PCDHGA4: variants seen among roughly 807,000 people sequenced by gnomAD.
PCDHGA4 encodes the protein protocadherin gamma subfamily A, 4, also known as protocadherin gamma-A4.
A neutral mutation model predicts 54.6 loss-of-function variants in PCDHGA4; 38 were observed. That is an observed-to-expected ratio of 0.70 (90% CI 0.54 to 0.91). The LOEUF (loss-of-function observed/expected upper bound fraction) is 0.91, where lower values mean the gene tolerates loss of function less well. PCDHGA4 is among the 40% of genes least tolerant of loss of function. The pLI is 0.00. For synonymous variants in PCDHGA4, 511 were observed against 512.9 expected (o/e 1.00, Z 0.05); for missense variants, 1,298 against 1,220.9 (o/e 1.06, Z -0.94).
At chr5:141,404,620 T>C in intron 1 of PCDHGA4, 2 of 1,614,162 alleles carry the variant, frequency 1.2e-6, no homozygotes, top group Non-Finnish European at 1.7e-6. Context: ...TGGACCAGAA[T>C]GACAATGCCC....
intron 1 of PCDHGA4, chr5:141,361,920 C>G: frequency 1.2e-6 from 2 of 1,608,060 alleles, no homozygotes; most frequent in Middle Eastern, 4.2e-4. Flanking sequence ...TGGCGGTGGA[C>G]GCAGACTCAG....
intron 1 of PCDHGA4, chr5:141,399,208 C>G: frequency 6.2e-7 from 1 of 1,613,958 alleles, no homozygotes; most frequent in Non-Finnish European, 8.5e-7. Context: ...GCCTGGAACA[C>G]TAATTGCTTT....
chr5:141,426,238 T>C, intron 1 of PCDHGA4: 1 of 158,644 alleles, frequency 6.3e-6, no homozygotes, highest in Admixed American at 5.9e-5. Context: ...AAGCACTTTG[T>C]GAAACATTTT....
At chr5:141,408,003 C>G in intron 1 of PCDHGA4, 1 of 917,520 alleles carries the variant, frequency 1.1e-6, no homozygotes, top group Non-Finnish European at 1.6e-6. Flanking sequence ...GCCTGGGATT[C>G]CCTGCGCAGC....
At chr5:141,385,375 T>C (rs1781162127) in intron 1 of PCDHGA4, 2 of 1,523,626 alleles carry the variant, frequency 1.3e-6, no homozygotes, top group South Asian at 1.3e-5. Context: ...GCATGATATT[T>C]CTCTATTATT....
In PCDHGA4 at chr5:141,389,786, C is replaced by T. The variant is rs368188508; in HGVS notation, c.2514+32165C>T. 6.2e-6 allele frequency: 10 copies of T among 1,613,252 alleles called. No homozygotes were observed. The African/African-American group carries it at 1.1e-4, about 17-fold the overall frequency. The stretch of plus-strand genomic sequence containing the variant: ...CAGCGCGTGCCTTAGGCGACAGGGA[C>T]GCCGTCCGCCAGCGCCTTCTGGTCG... On this transcript the variant is annotated intron_variant, in intron 1 of 3. Transcript: ENST00000571252.
At chr5:141,401,626 C>G (rs1476531463) in intron 1 of PCDHGA4, among the ~76,000 whole-genome samples, 1 of 152,174 alleles carries the variant, frequency 6.6e-6, no homozygotes, top group Non-Finnish European at 1.5e-5. Flanking sequence ...TTTGTCTTAT[C>G]GTTTGGAGCT....
chr5:141,438,254 A>G (rs916664408), intron 1 of PCDHGA4, among the ~76,000 whole-genome samples: 1 of 152,170 alleles, frequency 6.6e-6, no homozygotes, highest in Non-Finnish European at 1.5e-5. Context: ...CTGTCATTGA[A>G]GAGACCATAG....
At chr5:141,372,042 G>C in intron 1 of PCDHGA4, 1 of 1,613,478 alleles carries the variant, frequency 6.2e-7, no homozygotes, top group South Asian at 1.1e-5. Context: ...GAGCCTGCGC[G>C]TGTTGGTGGA....
In PCDHGA4 at chr5:141,385,469, C is replaced by T. The variant is rs536184133; in HGVS notation, c.2514+27848C>T. 3.5e-5 allele frequency: 50 copies of T among 1,439,702 alleles called. No homozygotes were observed. In the South Asian group the frequency reaches 7.4e-4, roughly 21 times the overall value. The allele number at this position is 1,439,702 out of a possible 1,614,324, so 89.2% of individuals were successfully genotyped here. ...GTTTACCAGTTTCCTTCAGTGGTGA[C>T]ACTTTAATATAGAACACATAGGATA... On this transcript the variant is annotated intron_variant, in intron 1 of 3. Transcript: ENST00000571252.
At chr5:141,375,529 C>G (rs370346410) in intron 1 of PCDHGA4, 1 of 1,614,026 alleles carries the variant, frequency 6.2e-7, no homozygotes, top group African/African-American at 1.3e-5. Context: ...CTGACGTGGA[C>G]CAGAACGCCC....
At chr5:141,399,532 C>G (rs552966531) in intron 1 of PCDHGA4, 28 of 1,614,066 alleles carry the variant, frequency 1.7e-5, no homozygotes, top group Non-Finnish European at 2.2e-5. Flanking sequence ...CTCCATCGCG[C>G]AAGTCTGCGC....
At position 141,485,142 on chromosome 5, in the gene PCDHGA4, A is replaced by C. The variant is rs979255582; in HGVS notation, c.2515-9665A>C. 5 of 1,554,566 alleles carry C rather than the reference A, an allele frequency of 3.2e-6. No homozygotes were observed. The highest frequency in any genetic ancestry group is 3.5e-6 in the Non-Finnish European group (4 of 1,131,592). On this transcript the variant is annotated intron_variant, in intron 1 of 3. Transcript: ENST00000571252. The surrounding 1 kb of genome is among the most constrained non-coding windows in gnomAD (Gnocchi z 5.7). ...GGCGGGTCGGCTTCATCCGCGTCTC[A>C]GGAGCAAGTAGAGAATTAGCGGGCG... is the stretch of plus-strand genomic sequence containing the variant.
intron 1 of PCDHGA4, chr5:141,420,076 T>C (rs764381539): frequency 3.3e-5 from 53 of 1,613,956 alleles, no homozygotes; most frequent in Non-Finnish European, 4.5e-5. Context: ...GACCTGTGGG[T>C]CCCCCCAACT....
rs994324285 is a variant in PCDHGA4 at position 141,455,094 on chromosome 5, G to A, written c.2515-39713G>A. Among the ~76,000 whole-genome samples the A allele has an allele frequency of 3.3e-5, 5 of 152,104 alleles. No individual in the cohort carries two copies. In the Middle Eastern group the frequency reaches 0.014, roughly 414 times the overall value. ...CCCAAAGTGCTGGGATTACAGGCTT[G>A]AGCCACTGCGCCCGGTGGGTCTAAT... On this transcript the variant is annotated intron_variant, in intron 1 of 3. Coordinates refer to ENST00000571252, the MANE Select transcript of PCDHGA4 (RefSeq NM_018917.4).
rs777314784 is a variant in PCDHGA4, at chr5:141,432,669, C to A, written c.2515-62138C>A. On this transcript the variant is annotated intron_variant, in intron 1 of 3. Transcript: ENST00000571252. The surrounding 1 kb of genome is among the most constrained non-coding windows in gnomAD (Gnocchi z 6.0). ...GCGCGAGCCCTGCTGGACAGAGACG[C>A]GCTCAAGCAGAGCCTCGTAGTGGCC... 1 of 1,613,894 alleles carries A rather than the reference C, an allele frequency of 6.2e-7. No homozygotes were observed. Among genetic ancestry groups the A allele is most frequent in the Non-Finnish European group, 8.5e-7 (1 of 1,179,950 alleles).
Position 141,491,913 on chromosome 5 carries a change from T to C in PCDHGA4, c.2515-2894T>C, listed in dbSNP as rs2099735120. 2.1e-6 allele frequency: 3 copies of C among 1,398,206 alleles called. No homozygotes were observed. Among genetic ancestry groups the C allele is most frequent in the Non-Finnish European group, 2.9e-6 (3 of 1,051,918 alleles). The allele number at this position is 1,398,206 out of a possible 1,614,324, so 86.6% of individuals were successfully genotyped here. On this transcript the variant is annotated intron_variant, in intron 1 of 3. Coordinates refer to ENST00000571252, the MANE Select transcript of PCDHGA4 (RefSeq NM_018917.4). The surrounding 1 kb of genome is among the most constrained non-coding windows in gnomAD (Gnocchi z 6.9). ...TCCGAGCACCGGGGGTGGTGGCGAC[T>C]GTGGGCGAGGGGAGGTGGGACCGAC... is the stretch of plus-strand genomic sequence containing the variant.
Position 141,489,510 on chromosome 5 carries a change from T to A in PCDHGA4, c.2515-5297T>A, listed in dbSNP as rs762210983. 1 of 1,614,124 alleles carries A rather than the reference T, an allele frequency of 6.2e-7. No individual in the cohort carries two copies. The highest frequency in any genetic ancestry group is 1.7e-5 in the Admixed American group (1 of 60,022). On this transcript the variant is annotated intron_variant, in intron 1 of 3. Transcript: ENST00000571252. This position sits in a 1 kb window ranked among gnomAD's most constrained non-coding sequence, Gnocchi z 4.5. Reference sequence around the variant, plus strand: ...GTGCCCTGGCAGTGAATCAAAAGATTGACCGAGAAAGCCTATGTGGAGCCA... The same window carrying A: ...GTGCCCTGGCAGTGAATCAAAAGATAGACCGAGAAAGCCTATGTGGAGCCA...
At chr5:141,382,993 C>G (rs762865747) in intron 1 of PCDHGA4, 2 of 1,613,542 alleles carry the variant, frequency 1.2e-6, no homozygotes, top group East Asian at 2.2e-5. Context: ...AGGACGTATT[C>G]TCTACTCCGT....
Sources: gnomAD v4.1 joint callset for allele counts (sites outside exome capture counted in the v4.1 genomes callset) on GRCh38, gnomAD v4.1.1 for gene constraint, Gnocchi (gnomAD v3.1) non-coding constraint, MANE v1.5 for transcripts, NCBI Gene and HGNC (gene_info 2026-07-23, HGNC 2026-07-21) for gene names.